Variants in UNC13C observed in about 807,000 individuals in gnomAD.
The protein encoded by UNC13C is unc-13 homolog C, also known as protein unc-13 homolog C.
Under a neutral mutation model 245.4 loss-of-function variants are expected in UNC13C, and 174 were observed. The ratio of observed to expected loss-of-function variants is 0.71; its 90% CI spans 0.63 to 0.80. UNC13C has a LOEUF of 0.80. UNC13C is among the 30% of genes least tolerant of loss of function. The pLI is 0.00. For synonymous variants in UNC13C, 992 were observed against 895.1 expected, an observed-to-expected ratio of 1.11 and a Z score of -1.93; for missense variants, 2,829 against 2,602.9, an observed-to-expected ratio of 1.09 and a Z score of -1.89.
intron 4 of UNC13C, among the ~76,000 whole-genome samples, chr15:54,178,864 G>A (rs77521248): frequency 0.049 from 7,401 of 152,042 alleles, 264 homozygotes; most frequent in South Asian, 0.075. Flanking sequence ...ATAAAATCCC[G>A]CTTGAGGAAC....
At chr15:54,508,461 TTATTA>T (rs1894582390) in intron 23 of UNC13C, among the ~76,000 whole-genome samples, 1 of 152,142 alleles carries the variant, frequency 6.6e-6, no homozygotes, top group African/African-American at 2.4e-5. Flanking sequence ...AACCCAGTAT[TTATTA>T]TATTATTCTA....
chr15:54,270,554 C>A (rs1272453203), intron 10 of UNC13C, among the ~76,000 whole-genome samples: 2 of 151,926 alleles, frequency 1.3e-5, no homozygotes. Context: ...ATGATTATAT[C>A]TTTGTGCTGA....
intron 1 of UNC13C, among the ~76,000 whole-genome samples, chr15:54,001,767 C>T (rs1014921161): frequency 6.6e-5 from 10 of 152,174 alleles, no homozygotes; most frequent in Non-Finnish European, 1.5e-4. Flanking sequence ...AAATAGTTTG[C>T]TCAAAGTGCT....
intron 4 of UNC13C, among the ~76,000 whole-genome samples, chr15:54,158,878 C>G (rs2032861803): frequency 6.6e-6 from 1 of 152,080 alleles, no homozygotes. Flanking sequence ...TTCTCAAACT[C>G]ATGACCTCAA....
At position 54,183,612 on chromosome 15, in the gene UNC13C, G is replaced by A. The variant is rs2033871861; in HGVS notation, c.3071+39928G>A. Reference sequence around the variant, plus strand: ...TGTCCAAAAGAAATTTACTCACATAGGGCATTTATAGAACTGAAGGACCAT... The same window carrying A: ...TGTCCAAAAGAAATTTACTCACATAAGGCATTTATAGAACTGAAGGACCAT... On this transcript the variant is annotated intron_variant, in intron 4 of 32. Coordinates refer to ENST00000260323, the MANE Select transcript of UNC13C (RefSeq NM_001080534.3). 4.6e-5 allele frequency among the ~76,000 whole-genome samples: 7 copies of A among 152,002 alleles called. 1 individual carries two copies. In the South Asian group the frequency reaches 1.5e-3, roughly 32 times the overall value.
the UNC13C span, among the ~76,000 whole-genome samples, chr15:53,882,893 C>G: frequency 1.3e-5 from 2 of 152,170 alleles, no homozygotes; most frequent in Non-Finnish European, 2.9e-5. Flanking sequence ...TGGGGCCTAT[C>G]AGAGGGTGGA....
At chr15:54,539,940 G>T (rs545729309) in intron 26 of UNC13C, among the ~76,000 whole-genome samples, 1 of 152,100 alleles carries the variant, frequency 6.6e-6, no homozygotes, top group South Asian at 2.1e-4. Flanking sequence ...ATTATTGGTG[G>T]AAAGAGATAA....
chr15:53,971,732 C>T, the UNC13C span, among the ~76,000 whole-genome samples: 2 of 152,058 alleles, frequency 1.3e-5, no homozygotes, highest in Admixed American at 6.6e-5. Flanking sequence ...ATTTTATTAT[C>T]TCCCTTTTAA....
At chr15:53,982,636 A>C (rs1268743807) in intron 1 of UNC13C, among the ~76,000 whole-genome samples, 1 of 152,148 alleles carries the variant, frequency 6.6e-6, no homozygotes, top group African/African-American at 2.4e-5. Context: ...CAGTGAGATA[A>C]AGCTAGAGAA....
Position 54,015,145 on chromosome 15 carries a change from G to A in UNC13C, c.2242G>A (p.Glu748Lys), listed in dbSNP as rs868575867. 8.1e-6 allele frequency: 13 copies of A among 1,612,292 alleles called. No individual in the cohort carries two copies. Among genetic ancestry groups the A allele is most frequent in the Non-Finnish European group, 1.1e-5 (13 of 1,179,188 alleles). ...YDSYQGANSNELYQNQNQLSM... is the reference protein window; with the variant it reads ...YDSYQGANSNKLYQNQNQLSM... ...TTCTTATCAGGGAGCTAATTCTAAT[G>A]AGCTATACCAAAATCAAAACCAGTT... The change falls in exon 2 of 33, where the codon GAG (glutamate) becomes AAG (lysine). Residue 748 changes from glutamate to lysine, a missense_variant. Coordinates refer to ENST00000260323, the MANE Select transcript of UNC13C (RefSeq NM_001080534.3).
At chr15:54,330,015 G>T (rs1419851071) in intron 14 of UNC13C, among the ~76,000 whole-genome samples, 1 of 151,914 alleles carries the variant, frequency 6.6e-6, no homozygotes, top group Non-Finnish European at 1.5e-5. Flanking sequence ...TAAAAGAGTG[G>T]GCAGATGGGG....
At chr15:54,623,992 A>G (rs772020942) in intron 32 of UNC13C, 38 bp downstream of exon 32, 3 of 1,611,040 alleles carry the variant, frequency 1.9e-6, no homozygotes, top group East Asian at 2.2e-5. Flanking sequence ...CTACCAGGCA[A>G]TAGTTACTGT....
intron 8 of UNC13C, 39 bp downstream of exon 8, chr15:54,250,483 C>G: frequency 6.5e-7 from 1 of 1,543,776 alleles, no homozygotes; most frequent in Non-Finnish European, 8.8e-7. Context: ...GTATGCAGAG[C>G]CTGCCTTATT....
At chr15:54,157,474 AGGT>A (rs2032798044) in intron 4 of UNC13C, among the ~76,000 whole-genome samples, 1 of 152,210 alleles carries the variant, frequency 6.6e-6, no homozygotes, top group Non-Finnish European at 1.5e-5. Context: ...CATTATTAAA[AGGT>A]AAATCCTTGC....
chr15:54,387,667 T>C (rs1315839307), intron 17 of UNC13C, among the ~76,000 whole-genome samples: 2 of 152,196 alleles, frequency 1.3e-5, no homozygotes, highest in African/African-American at 4.8e-5. Flanking sequence ...CTCAGAATTA[T>C]GAATAGGTAA....
intron 30 of UNC13C, among the ~76,000 whole-genome samples, chr15:54,599,972 C>T (rs978199660): frequency 1.3e-5 from 2 of 152,080 alleles, no homozygotes; most frequent in African/African-American, 4.8e-5. Context: ...TCTTCTCTTG[C>T]TTTTGTAGTA....
At chr15:54,067,419 CTTGTT>C (rs967417145) in intron 2 of UNC13C, among the ~76,000 whole-genome samples, 9 of 152,036 alleles carry the variant, frequency 5.9e-5, no homozygotes, top group Non-Finnish European at 2.9e-5. Context: ...AAATATTTGA[CTTGTT>C]TCAATTGATT....
chr15:54,196,837 T>C (rs2034368763), intron 4 of UNC13C, among the ~76,000 whole-genome samples: 1 of 152,142 alleles, frequency 6.6e-6, no homozygotes, highest in Non-Finnish European at 1.5e-5. Context: ...GATGAACTTA[T>C]ATAATAAAAA....
At chr15:54,308,283 A>G (rs1468322760) in intron 13 of UNC13C, among the ~76,000 whole-genome samples, 1 of 151,940 alleles carries the variant, frequency 6.6e-6, no homozygotes, top group East Asian at 1.9e-4. Flanking sequence ...TAGACCAATA[A>G]TATTTTGACT....
Sources: gnomAD v4.1 joint callset for allele counts (sites outside exome capture counted in the v4.1 genomes callset) on GRCh38, gnomAD v4.1.1 for gene constraint, MANE v1.5 for transcripts, NCBI Gene and HGNC (gene_info 2026-07-23, HGNC 2026-07-21) for gene names.